Variants in CRYBG1 observed in about 807,000 individuals in gnomAD.
CRYBG1 encodes crystallin beta-gamma domain containing 1.
A neutral mutation model predicts 189.2 loss-of-function variants in CRYBG1; 139 were observed. That is an observed-to-expected ratio of 0.73 (90% CI 0.64 to 0.85). CRYBG1 has a LOEUF of 0.85. Among genes scored for constraint, CRYBG1 ranks in the 40% least tolerant of loss-of-function variants. CRYBG1 has a pLI of 0.00. For synonymous variants in CRYBG1, 1,023 were observed against 1,017.1 expected, an observed-to-expected ratio of 1.01 and a Z score of -0.11; for missense variants, 2,611 against 2,675.8, an observed-to-expected ratio of 0.98 and a Z score of 0.53.
intron 1 of CRYBG1, among the ~76,000 whole-genome samples, chr6:106,433,317 A>G (rs1363832076): frequency 6.6e-6 from 1 of 152,106 alleles, no homozygotes. Flanking sequence ...CATACTGTGC[A>G]CCTCTTCTGG....
chr6:106,436,295 CTT>C (rs56333625), intron 1 of CRYBG1, among the ~76,000 whole-genome samples: 443 of 139,624 alleles, frequency 3.2e-3, no homozygotes, highest in African/African-American at 0.011. Flanking sequence ...CATGCAATCT[CTT>C]TTTTTTTTTT....
intron 15 of CRYBG1, among the ~76,000 whole-genome samples, chr6:106,552,583 A>T (rs1377143898): frequency 4.5e-4 from 1 of 2,210 alleles, no homozygotes; most frequent in African/African-American, 1.6e-3. Flanking sequence ...ACTCTGTCTC[A>T]AAAAAAAAAA....
At chr6:106,386,140 A>G (rs1236328613) in intron 1 of CRYBG1, among the ~76,000 whole-genome samples, 1 of 152,178 alleles carries the variant, frequency 6.6e-6, no homozygotes, top group Non-Finnish European at 1.5e-5. Context: ...AATGTGAATA[A>G]CCTGTTGCAA....
intron 1 of CRYBG1, among the ~76,000 whole-genome samples, chr6:106,419,341 G>C (rs1771082776): frequency 6.6e-6 from 1 of 152,164 alleles, no homozygotes; most frequent in Admixed American, 6.5e-5. Flanking sequence ...GTCACCATGA[G>C]AAAGACAAAG....
chr6:106,370,795 C>T (rs980571402), intron 1 of CRYBG1, among the ~76,000 whole-genome samples: 1 of 152,220 alleles, frequency 6.6e-6, no homozygotes, highest in East Asian at 1.9e-4. Context: ...GGCCTGTACC[C>T]ACCTTTGACA....
chr6:106,512,111 C>T lies in CRYBG1; in HGVS notation c.994C>T (p.Arg332Cys). ...EEGSLGPRNA[R>C]SQPPKGASDL... is the part of the protein sequence containing the mutation. ...AGGCTCCCTGGGGCCCCGCAACGCC[C>T]GCAGCCAGCCCCCCAAGGGCGCGTC... Residue 332 changes from arginine to cysteine, a missense_variant, in exon 3 of 22, where the codon CGC becomes TGC. Around this residue, in one of 3 missense-constraint regions of CRYBG1, gnomAD observed 985 missense variants for 924.4 expected, o/e 1.07. Coordinates refer to ENST00000633556, the MANE Select transcript of CRYBG1 (RefSeq NM_001371242.2). 1 of 1,534,522 alleles carries T rather than the reference C, an allele frequency of 6.5e-7. No homozygotes were observed. The highest frequency in any genetic ancestry group is 8.7e-7 in the Non-Finnish European group (1 of 1,146,160).
At chr6:106,371,305 A>T (rs1337071534) in intron 1 of CRYBG1, among the ~76,000 whole-genome samples, 1 of 152,264 alleles carries the variant, frequency 6.6e-6, no homozygotes, top group Non-Finnish European at 1.5e-5. Context: ...TAGTTGAAGC[A>T]ACTGTTGACA....
At chr6:106,441,964 A>G (rs1454533887) in intron 1 of CRYBG1, among the ~76,000 whole-genome samples, 1 of 152,204 alleles carries the variant, frequency 6.6e-6, no homozygotes, top group African/African-American at 2.4e-5. Flanking sequence ...TATAAGCACC[A>G]TATTATGTGT....
At chr6:106,466,196 A>G (rs1468675697) in intron 2 of CRYBG1, among the ~76,000 whole-genome samples, 2 of 152,254 alleles carry the variant, frequency 1.3e-5, no homozygotes, top group Admixed American at 6.5e-5. Flanking sequence ...TTCAATGGCT[A>G]TCACCCAAAG....
At chr6:106,383,897 G>A (rs1770334006) in intron 1 of CRYBG1, among the ~76,000 whole-genome samples, 1 of 152,182 alleles carries the variant, frequency 6.6e-6, no homozygotes. Context: ...ATGGGGCTAG[G>A]GAAGTTATAA....
At chr6:106,526,011 AT>A (rs1773731459) in intron 6 of CRYBG1, among the ~76,000 whole-genome samples, 1 of 152,298 alleles carries the variant, frequency 6.6e-6, no homozygotes, top group African/African-American at 2.4e-5. Flanking sequence ...TTCTGAAATC[AT>A]TTTATCAGCT....
In CRYBG1 at chr6:106,452,518, C is replaced by T. The variant is rs113593556; in HGVS notation, c.312+686C>T. On this transcript the variant is annotated intron_variant, in intron 2 of 21. Coordinates refer to ENST00000633556, the MANE Select transcript of CRYBG1 (RefSeq NM_001371242.2). ...TTCCTCCTTGTAGGTGCCTTTTGCG[C>T]GCCCTTTTTTCTTTTATACAAACTG... 7.1e-3 allele frequency among the ~76,000 whole-genome samples: 1,080 copies of T among 152,020 alleles called. 11 individuals carry two copies. Among genetic ancestry groups the T allele is most frequent in the African/African-American group, 0.023 (956 of 41,466 alleles).
intron 16 of CRYBG1, 152 bp downstream of exon 16, chr6:106,553,719 G>A: frequency 1.6e-6 from 1 of 639,070 alleles, no homozygotes; most frequent in South Asian, 1.8e-5. Context: ...CTGAGTACCA[G>A]ACGCCAGAGG....
chr6:106,438,311 G>A (rs1218809159), intron 1 of CRYBG1, among the ~76,000 whole-genome samples: 4 of 152,320 alleles, frequency 2.6e-5, no homozygotes, highest in East Asian at 1.9e-4. Flanking sequence ...GCACATTCAC[G>A]TTGGGGTAGC....
chr6:106,508,761 T>C (rs147450823), intron 2 of CRYBG1, among the ~76,000 whole-genome samples: 13 of 152,184 alleles, frequency 8.5e-5, no homozygotes, highest in Non-Finnish European at 1.5e-5. Flanking sequence ...TTAGCTATTA[T>C]GAATGAATGA....
At chr6:106,405,473 C>T (rs550611221) in intron 1 of CRYBG1, among the ~76,000 whole-genome samples, 3 of 152,342 alleles carry the variant, frequency 2.0e-5, no homozygotes, top group South Asian at 2.1e-4. Flanking sequence ...CAGACTTAAA[C>T]GTTCCTGCCT....
intron 2 of CRYBG1, among the ~76,000 whole-genome samples, chr6:106,474,755 T>C (rs1772301772): frequency 6.6e-6 from 1 of 152,068 alleles, no homozygotes; most frequent in African/African-American, 2.4e-5. Context: ...GGAGGTCACT[T>C]GTAGTGTGGA....
chr6:106,552,069 G>A (rs1392323523), intron 14 of CRYBG1, 91 bp downstream of exon 14: 4 of 1,451,116 alleles, frequency 2.8e-6, no homozygotes, highest in Non-Finnish European at 2.9e-6. Flanking sequence ...TAATTGCTAT[G>A]GAAAATATTC....
Position 106,461,058 on chromosome 6 carries a change from T to C in CRYBG1, c.312+9226T>C, listed in dbSNP as rs554717185. ...CCTCAGCCTCCCAAAGTGCTGGGAT[T>C]ACAGGGGTGAGCCACCGTGCCCGAC... is the stretch of plus-strand genomic sequence containing the variant. On this transcript the variant is annotated intron_variant, in intron 2 of 21. Transcript: ENST00000633556. Among the ~76,000 whole-genome samples, 6 of 151,390 alleles carry C rather than the reference T, an allele frequency of 4.0e-5. No individual in the cohort carries two copies. The East Asian group carries it at 1.2e-3, about 30-fold the overall frequency.
Sources: allele counts gnomAD v4.1 joint callset (sites outside exome capture counted in the v4.1 genomes callset), GRCh38; gene constraint gnomAD v4.1.1; regional missense constraint gnomAD v4.1.1; transcripts MANE v1.5; gene names NCBI Gene and HGNC (gene_info 2026-07-23, HGNC 2026-07-21).